Variants in STK39 observed in about 807,000 individuals in gnomAD.
STK39 encodes the protein STE20/SPS1-related proline-alanine-rich protein kinase.
STK39 carries 20 observed loss-of-function variants against 77.8 expected under a neutral mutation model. The observed-to-expected ratio is 0.26, with a 90% CI of 0.18 to 0.37. STK39 has a LOEUF of 0.37. Among genes scored for constraint, STK39 ranks in the 10% least tolerant of loss-of-function variants. The pLI, the probability that STK39 is intolerant of heterozygous loss-of-function variation, is 1.00. For synonymous variants in STK39, 246 were observed against 234.1 expected (o/e 1.05, Z -0.47); for missense variants, 479 against 656.5 (o/e 0.73, Z 2.95).
chr2:168,181,250 C>T (rs1247782827), intron 2 of STK39, among the ~76,000 whole-genome samples: 1 of 152,114 alleles, frequency 6.6e-6, no homozygotes, highest in Non-Finnish European at 1.5e-5. Flanking sequence ...GCCGGTAGAA[C>T]AACAACGATA....
intron 17 of STK39, among the ~76,000 whole-genome samples, chr2:167,959,627 C>T (rs1384328687): frequency 6.6e-6 from 1 of 152,166 alleles, no homozygotes; most frequent in East Asian, 1.9e-4. Context: ...TGTCAATGTA[C>T]ACCCGTATAA....
chr2:168,061,483 G>A (rs533517310), intron 14 of STK39, among the ~76,000 whole-genome samples: 8 of 152,208 alleles, frequency 5.3e-5, no homozygotes, highest in Admixed American at 1.3e-4. Context: ...GTGTATGTGC[G>A]TGTGTGTGCA....
intron 8 of STK39, among the ~76,000 whole-genome samples, chr2:168,130,765 C>A (rs1325521167): frequency 2.0e-5 from 3 of 152,214 alleles, no homozygotes; most frequent in Admixed American, 6.5e-5. Context: ...CATTCTTACA[C>A]AAAGAATAGC....
chr2:168,003,461 T>G (rs975201365), intron 16 of STK39, among the ~76,000 whole-genome samples: 2 of 152,214 alleles, frequency 1.3e-5, no homozygotes, highest in African/African-American at 4.8e-5. Flanking sequence ...GGAATAAATA[T>G]TATACCTCAG....
At chr2:168,215,901 C>T (rs1318102234) in intron 1 of STK39, among the ~76,000 whole-genome samples, 1 of 152,166 alleles carries the variant, frequency 6.6e-6, no homozygotes, top group Non-Finnish European at 1.5e-5. Flanking sequence ...GTGCACCTCA[C>T]CCTGCTCTCT....
At chr2:168,064,439 G>A (rs76480151) in intron 13 of STK39, among the ~76,000 whole-genome samples, 2 of 152,128 alleles carry the variant, frequency 1.3e-5, no homozygotes. Flanking sequence ...CCTCTAACTA[G>A]TGGTGTGACT....
At chr2:168,051,380 T>C (rs1685390469) in intron 14 of STK39, among the ~76,000 whole-genome samples, 2 of 152,196 alleles carry the variant, frequency 1.3e-5, no homozygotes, top group East Asian at 3.8e-4. Flanking sequence ...GTAATTAACA[T>C]TGACTTAAAT....
chr2:168,171,280 G>A (rs1442126397), intron 2 of STK39, among the ~76,000 whole-genome samples: 1 of 152,120 alleles, frequency 6.6e-6, no homozygotes, highest in African/African-American at 2.4e-5. Flanking sequence ...CCATGTGCAA[G>A]AAAGACATAT....
chr2:168,177,432 T>C (rs1226613145), intron 2 of STK39, among the ~76,000 whole-genome samples: 2 of 151,950 alleles, frequency 1.3e-5, no homozygotes, highest in African/African-American at 2.4e-5. Flanking sequence ...CTTGAGGCAA[T>C]AGGAAAAAAT....
chr2:168,107,696 T>G (rs1487375234), intron 10 of STK39, among the ~76,000 whole-genome samples: 2 of 152,152 alleles, frequency 1.3e-5, no homozygotes, highest in Non-Finnish European at 2.9e-5. Flanking sequence ...AAAATGAAAA[T>G]GCATGGGAAT....
At chr2:168,029,121 A>T (rs184901316) in intron 14 of STK39, among the ~76,000 whole-genome samples, 24 of 152,340 alleles carry the variant, frequency 1.6e-4, no homozygotes, top group Admixed American at 1.6e-3. Flanking sequence ...TTCAAAATTA[A>T]ACTAAATATA....
intron 15 of STK39, among the ~76,000 whole-genome samples, chr2:168,016,452 C>G (rs913843385): frequency 2.0e-5 from 3 of 147,174 alleles, no homozygotes; most frequent in African/African-American, 7.6e-5. Flanking sequence ...ATAGGAAATC[C>G]TCCAGTTTCC....
chr2:167,955,800 A>G (rs1380135124), intron 17 of STK39, among the ~76,000 whole-genome samples: 5 of 152,164 alleles, frequency 3.3e-5, no homozygotes, highest in Non-Finnish European at 5.9e-5. Flanking sequence ...GTGGGAAGGG[A>G]TTTGTTATCC....
chr2:168,163,338 T>A (rs1688623074), intron 4 of STK39, among the ~76,000 whole-genome samples: 2 of 152,252 alleles, frequency 1.3e-5, no homozygotes, highest in Non-Finnish European at 1.5e-5. Context: ...AGAGATGCTG[T>A]CTAGTTCAAC....
intron 8 of STK39, among the ~76,000 whole-genome samples, chr2:168,131,873 C>A (rs1028503807): frequency 2.0e-5 from 3 of 152,196 alleles, no homozygotes; most frequent in African/African-American, 7.2e-5. Flanking sequence ...ATTCCAAATT[C>A]ATCCTTTCAC....
chr2:168,215,564 A>C (rs1198016297), intron 1 of STK39, among the ~76,000 whole-genome samples: 1 of 152,206 alleles, frequency 6.6e-6, no homozygotes, highest in Non-Finnish European at 1.5e-5. Context: ...CCCAAACATC[A>C]ACATGTCACC....
chr2:168,128,410 C>T (rs1428145594), intron 10 of STK39, among the ~76,000 whole-genome samples: 1 of 152,166 alleles, frequency 6.6e-6, no homozygotes, highest in African/African-American at 2.4e-5. Flanking sequence ...TGTGCTTCCC[C>T]TTCAGATATT....
chr2:168,144,694 G>A (rs192462887), intron 5 of STK39, among the ~76,000 whole-genome samples: 124 of 151,624 alleles, frequency 8.2e-4, no homozygotes, highest in East Asian at 5.8e-4. Flanking sequence ...TAGGTAGATC[G>A]ATAAGCTACT....
At chr2:168,198,169 C>T in intron 1 of STK39, among the ~76,000 whole-genome samples, 1 of 152,176 alleles carries the variant, frequency 6.6e-6, no homozygotes. Context: ...CACACACACA[C>T]GCACATGAAT....
Sources: allele counts gnomAD v4.1 joint callset (sites outside exome capture counted in the v4.1 genomes callset), GRCh38; gene constraint gnomAD v4.1.1; transcripts MANE v1.5; gene names NCBI Gene and HGNC (gene_info 2026-07-23, HGNC 2026-07-21).